Variants in PTPRM observed in about 807,000 individuals in gnomAD.
The protein encoded by PTPRM is protein tyrosine phosphatase receptor type M, also known as receptor-type tyrosine-protein phosphatase mu.
A neutral mutation model predicts 186.7 loss-of-function variants in PTPRM; 47 were observed. The observed-to-expected ratio is 0.25, with a 90% CI of 0.20 to 0.32. PTPRM has a LOEUF of 0.32. Ranked by LOEUF, PTPRM falls within the 10% of genes least tolerant of loss-of-function variation. The pLI, the probability that PTPRM is intolerant of heterozygous loss-of-function variation, is 1.00. For synonymous variants in PTPRM, 668 were observed against 674.9 expected, an observed-to-expected ratio of 0.99 and a Z score of 0.16; for missense variants, 1,494 against 1,865.0, an observed-to-expected ratio of 0.80 and a Z score of 3.66.
At chr18:8,350,180 T>C (rs635416) in intron 23 of PTPRM, among the ~76,000 whole-genome samples, 120,896 of 152,094 alleles carry the variant, frequency 0.79, 49,466 homozygotes, top group Middle Eastern at 0.94. Flanking sequence ...CAGCTGTAGA[T>C]CTTGAGCCCA....
chr18:7,732,418 C>G (rs1022077662), intron 1 of PTPRM, among the ~76,000 whole-genome samples: 6 of 152,220 alleles, frequency 3.9e-5, no homozygotes, highest in African/African-American at 1.4e-4. Context: ...AGTCTGTATT[C>G]TGGGTAGCCA....
chr18:8,228,815 C>T (rs1406082979), intron 14 of PTPRM, among the ~76,000 whole-genome samples: 1 of 151,830 alleles, frequency 6.6e-6, no homozygotes, highest in Non-Finnish European at 1.5e-5. Context: ...ATCACACCAC[C>T]GCACTCCAGC....
At chr18:7,966,598 C>T (rs957133352) in intron 7 of PTPRM, among the ~76,000 whole-genome samples, 17 of 139,388 alleles carry the variant, frequency 1.2e-4, no homozygotes, top group East Asian at 4.0e-4. Flanking sequence ...AGTGGGTGCG[C>T]GCACCGTGCG....
chr18:7,918,077 T>TG (rs1206409142), intron 4 of PTPRM, among the ~76,000 whole-genome samples: 4 of 122,740 alleles, frequency 3.3e-5, no homozygotes, highest in Admixed American at 3.0e-4. Context: ...TTCTTGTGTG[T>TG]TTGTGTGTGT....
chr18:7,823,545 C>T (rs1350094326), intron 2 of PTPRM, among the ~76,000 whole-genome samples: 2 of 152,102 alleles, frequency 1.3e-5, no homozygotes, highest in South Asian at 2.1e-4. Flanking sequence ...GAAAGGCAGA[C>T]CCACCCTCAG....
rs2095514468 is a variant in PTPRM, at chr18:8,348,014, G to C, written c.3054+4494G>C. On this transcript the variant is annotated intron_variant, in intron 23 of 32. Transcript: ENST00000580170. ...GGGAAAAGCACTCTCCTTGTTCCAG[G>C]CTGTTTCCCATTGTTAATCCTGCAC... Among the ~76,000 whole-genome samples the C allele has an allele frequency of 2.0e-5, 3 of 152,208 alleles. No individual in the cohort carries two copies. The South Asian group carries it at 6.2e-4, about 31-fold the overall frequency.
chr18:7,952,880 C>A (rs528476837), intron 6 of PTPRM, among the ~76,000 whole-genome samples: 29 of 152,136 alleles, frequency 1.9e-4, no homozygotes, highest in East Asian at 1.9e-4. Flanking sequence ...GTGGCACACA[C>A]CTGTAATCCC....
At chr18:8,406,039 A>G (rs547794166) in intron 32 of PTPRM, 70 bp from the exon 33 acceptor site, 10 of 1,355,132 alleles carry the variant, frequency 7.4e-6, no homozygotes, top group African/African-American at 2.9e-5. Context: ...ACCCTACTCT[A>G]TGGTAATTGC....
At chr18:8,236,027 G>GA (rs2094342285) in intron 14 of PTPRM, among the ~76,000 whole-genome samples, 1 of 152,160 alleles carries the variant, frequency 6.6e-6, no homozygotes, top group Non-Finnish European at 1.5e-5. Context: ...CTGTGAACTT[G>GA]AATATAATGT....
chr18:7,595,945 G>A (rs1328631157), intron 1 of PTPRM, among the ~76,000 whole-genome samples: 2 of 152,164 alleles, frequency 1.3e-5, no homozygotes, highest in Non-Finnish European at 2.9e-5. Flanking sequence ...AGATGCACCT[G>A]AATCATTTGA....
At chr18:7,623,425 T>C (rs2143996676) in intron 1 of PTPRM, among the ~76,000 whole-genome samples, 1 of 152,320 alleles carries the variant, frequency 6.6e-6, no homozygotes. Context: ...ATATATGTAT[T>C]ATACATGTGT....
At chr18:7,895,286 G>A (rs934072131) in intron 3 of PTPRM, among the ~76,000 whole-genome samples, 2 of 152,174 alleles carry the variant, frequency 1.3e-5, no homozygotes, top group African/African-American at 4.8e-5. Flanking sequence ...AGTTTGTTGA[G>A]CCACTGTTAA....
In PTPRM at chr18:8,314,948, A is replaced by T. The variant is rs967245888; in HGVS notation, c.2919+91A>T. The T allele has an allele frequency of 3.9e-5, 31 of 791,984 alleles. No homozygotes were observed. In the African/African-American group the frequency reaches 5.2e-4, roughly 13 times the overall value. 49.1% of individuals were successfully genotyped at this position (791,984 alleles called of 1,614,324 possible). A position where few individuals can be genotyped will look rare whatever the true frequency, so the allele number is the denominator to read the frequency against. ...TTTTGATACATGTATACAATGCATA[A>T]TGATTAAATCAGAGTATAAAACTCA... On this transcript the variant is annotated intron_variant, in intron 21 of 32. Coordinates refer to ENST00000580170, the MANE Select transcript of PTPRM (RefSeq NM_001105244.2).
At chr18:7,980,765 C>T (rs971748774) in intron 7 of PTPRM, among the ~76,000 whole-genome samples, 1 of 152,136 alleles carries the variant, frequency 6.6e-6, no homozygotes, top group Non-Finnish European at 1.5e-5. Context: ...TAACACACAG[C>T]TCCCCTATCC....
chr18:7,658,359 T>TATATAC (rs1491198247), intron 1 of PTPRM, among the ~76,000 whole-genome samples: 8 of 136,676 alleles, frequency 5.9e-5, no homozygotes, highest in African/African-American at 2.0e-4. Flanking sequence ...TATATATATA[T>TATATAC]ACATACACAC....
chr18:7,954,096 C>T lies in PTPRM; in HGVS notation c.839-1025C>T, dbSNP rs144591952. On this transcript the variant is annotated intron_variant, in intron 6 of 32. Transcript: ENST00000580170. ...TGTGTGGTATCACCCACAGTGGCAT[C>T]GGCATGTGGAATACCTTCATTTGGT... Among the ~76,000 whole-genome samples the T allele has an allele frequency of 4.4e-3, 673 of 152,248 alleles. 3 individuals are homozygous for T. Among genetic ancestry groups the T allele is most frequent in the African/African-American group, 0.015 (634 of 41,554 alleles).
intron 1 of PTPRM, among the ~76,000 whole-genome samples, chr18:7,651,478 A>G (rs2038702160): frequency 6.6e-6 from 1 of 152,230 alleles, no homozygotes; most frequent in Non-Finnish European, 1.5e-5. Flanking sequence ...AGCTGGAGGC[A>G]TCATGCTACC....
chr18:8,311,481 T>G (rs924859532), intron 20 of PTPRM, among the ~76,000 whole-genome samples: 3 of 152,122 alleles, frequency 2.0e-5, no homozygotes, highest in Non-Finnish European at 2.9e-5. Context: ...TGTGCCTCTG[T>G]GCTGTGAATG....
chr18:7,745,228 C>T lies in PTPRM; in HGVS notation c.74-28921C>T, dbSNP rs1353135825. 2.6e-5 allele frequency among the ~76,000 whole-genome samples: 4 copies of T among 152,148 alleles called. No homozygotes were observed. The East Asian group carries it at 7.7e-4, about 29-fold the overall frequency. The stretch of plus-strand genomic sequence containing the variant: ...ATGGCAATACGTCTAACCCTTTAAG[C>T]CAACCCTTTTGCTAAGAACAATCAG... On this transcript the variant is annotated intron_variant, in intron 1 of 32. Coordinates refer to ENST00000580170, the MANE Select transcript of PTPRM (RefSeq NM_001105244.2).
Sources: allele counts gnomAD v4.1 joint callset (sites outside exome capture counted in the v4.1 genomes callset), GRCh38; gene constraint gnomAD v4.1.1; transcripts MANE v1.5; gene names NCBI Gene and HGNC (gene_info 2026-07-23, HGNC 2026-07-21).